CNTNAP2: variants seen among roughly 807,000 people sequenced by gnomAD.
CNTNAP2 encodes contactin-associated protein-like 2.
In CNTNAP2, 98 loss-of-function variants were observed where a neutral mutation model predicts 155.2. The ratio of observed to expected loss-of-function variants is 0.63; its 90% CI spans 0.54 to 0.75. The LOEUF (loss-of-function observed/expected upper bound fraction) is 0.75, where lower values mean the gene tolerates loss of function less well. Among genes scored for constraint, CNTNAP2 ranks in the 30% least tolerant of loss-of-function variants. The pLI is 0.00. For missense variants in CNTNAP2, 1,727 were observed against 1,688.1 expected, an observed-to-expected ratio of 1.02 and a Z score of -0.40; for synonymous variants, 651 against 631.2, an observed-to-expected ratio of 1.03 and a Z score of -0.47.
At chr7:148,308,460 T>C (rs1433749855) in intron 21 of CNTNAP2, among the ~76,000 whole-genome samples, 7 of 152,074 alleles carry the variant, frequency 4.6e-5, no homozygotes, top group African/African-American at 1.4e-4. Context: ...ATTTTTAAAT[T>C]GGCATTTTTT....
intron 15 of CNTNAP2, among the ~76,000 whole-genome samples, chr7:148,049,600 A>G (rs1427323694): frequency 1.3e-5 from 2 of 152,178 alleles, no homozygotes; most frequent in Non-Finnish European, 2.9e-5. Flanking sequence ...GTTCCATAAG[A>G]TTATAGAGGA....
intron 1 of CNTNAP2, among the ~76,000 whole-genome samples, chr7:146,771,348 T>C (rs1388416648): frequency 2.0e-5 from 3 of 152,180 alleles, no homozygotes; most frequent in South Asian, 4.1e-4. Flanking sequence ...ACATTTCTAA[T>C]ATAACGGGAA....
At chr7:148,344,002 G>C (rs1798278357) in intron 21 of CNTNAP2, among the ~76,000 whole-genome samples, 1 of 152,188 alleles carries the variant, frequency 6.6e-6, no homozygotes, top group African/African-American at 2.4e-5. Flanking sequence ...CCATGACTGG[G>C]CTACAGCCAA....
At chr7:147,465,429 C>A (rs924573698) in intron 10 of CNTNAP2, among the ~76,000 whole-genome samples, 3 of 152,128 alleles carry the variant, frequency 2.0e-5, no homozygotes, top group Non-Finnish European at 4.4e-5. Context: ...AAATTGTGTT[C>A]TCATAGGGAG....
intron 21 of CNTNAP2, among the ~76,000 whole-genome samples, chr7:148,289,238 G>A (rs1367834045): frequency 6.6e-6 from 1 of 152,192 alleles, no homozygotes; most frequent in East Asian, 1.9e-4. Context: ...AGGAGAAGGT[G>A]AATCTTTTCT....
intron 1 of CNTNAP2, among the ~76,000 whole-genome samples, chr7:146,536,787 G>A (rs1007748379): frequency 7.2e-5 from 11 of 152,186 alleles, no homozygotes; most frequent in African/African-American, 2.6e-4. Context: ...TAGACGCTGT[G>A]ATTGTGAAAA....
intron 13 of CNTNAP2, among the ~76,000 whole-genome samples, chr7:147,871,502 C>T (rs1372006712): frequency 6.6e-6 from 1 of 152,160 alleles, no homozygotes; most frequent in Non-Finnish European, 1.5e-5. Flanking sequence ...TCTATTGGTT[C>T]TTTTCCCCTC....
intron 1 of CNTNAP2, among the ~76,000 whole-genome samples, chr7:146,699,201 A>G (rs1338860601): frequency 6.6e-6 from 1 of 152,146 alleles, no homozygotes; most frequent in African/African-American, 2.4e-5. Context: ...ATGAGGGAAA[A>G]TAAAACACAT....
chr7:148,015,516 TA>T, intron 15 of CNTNAP2, among the ~76,000 whole-genome samples: 1 of 152,348 alleles, frequency 6.6e-6, no homozygotes, highest in Non-Finnish European at 1.5e-5. Context: ...TTTTTGCTGC[TA>T]CTGTTCTGTG....
intron 1 of CNTNAP2, among the ~76,000 whole-genome samples, chr7:146,235,663 C>A (rs749858303): frequency 6.6e-6 from 1 of 152,026 alleles, no homozygotes; most frequent in Non-Finnish European, 1.5e-5. Flanking sequence ...GTACTTCCAG[C>A]CTGTGGTGTT....
intron 20 of CNTNAP2, among the ~76,000 whole-genome samples, chr7:148,262,878 T>A (rs571710924): frequency 6.6e-6 from 1 of 152,184 alleles, no homozygotes; most frequent in African/African-American, 2.4e-5. Flanking sequence ...CCGATGCTGC[T>A]GTTCTGAATT....
intron 1 of CNTNAP2, among the ~76,000 whole-genome samples, chr7:146,145,103 A>G (rs1183750547): frequency 6.6e-6 from 1 of 152,140 alleles, no homozygotes; most frequent in Non-Finnish European, 1.5e-5. Context: ...AATATACAAA[A>G]TGTGATCCTG....
chr7:146,503,244 T>G (rs1797333545), intron 1 of CNTNAP2, among the ~76,000 whole-genome samples: 1 of 152,226 alleles, frequency 6.6e-6, no homozygotes, highest in African/African-American at 2.4e-5. Context: ...TTGTTATCTG[T>G]GCTTTTGAGG....
intron 1 of CNTNAP2, among the ~76,000 whole-genome samples, chr7:146,288,889 C>T (rs985523040): frequency 6.3e-5 from 9 of 142,976 alleles, no homozygotes; most frequent in Non-Finnish European, 1.4e-4. Context: ...ACTGCAACCT[C>T]TGCCTCCCAG....
In CNTNAP2 at chr7:146,924,034, TG is replaced by T. The variant is rs558199117; in HGVS notation, c.402+84131del. On this transcript the variant is annotated intron_variant, in intron 3 of 23. Transcript: ENST00000361727. The stretch of plus-strand genomic sequence containing the variant: ...ACTGTTGTCTCTCTCTTAAAGTATA[TG>T]TTTTTTTTCTTCTGCCGCGGTTCTT... Among the ~76,000 whole-genome samples the T allele has an allele frequency of 5.4e-4, 82 of 152,212 alleles. 1 individual carries two copies. The highest frequency in any genetic ancestry group is 8.8e-4 in the Non-Finnish European group (60 of 67,992).
intron 1 of CNTNAP2, among the ~76,000 whole-genome samples, chr7:146,413,164 A>C (rs1260359051): frequency 3.3e-5 from 5 of 152,330 alleles, no homozygotes; most frequent in Non-Finnish European, 7.3e-5. Flanking sequence ...ATGAAAAAGC[A>C]CTTGACTAGC....
At chr7:146,654,602 G>T (rs1799965934) in intron 1 of CNTNAP2, among the ~76,000 whole-genome samples, 1 of 152,158 alleles carries the variant, frequency 6.6e-6, no homozygotes, top group Admixed American at 6.5e-5. Flanking sequence ...CATAATTTGT[G>T]GTTGTAGCAG....
intron 3 of CNTNAP2, among the ~76,000 whole-genome samples, chr7:146,929,220 G>A (rs576805148): frequency 8.5e-5 from 13 of 152,254 alleles, no homozygotes; most frequent in East Asian, 3.9e-4. Flanking sequence ...TCACACGGCC[G>A]GGTACTCCTC....
chr7:146,478,254 A>G (rs1467420140), intron 1 of CNTNAP2, among the ~76,000 whole-genome samples: 1 of 152,140 alleles, frequency 6.6e-6, no homozygotes, highest in African/African-American at 2.4e-5. Context: ...TGAATGCAGA[A>G]AGAGGGATGC....
Sources: allele counts gnomAD v4.1 joint callset (sites outside exome capture counted in the v4.1 genomes callset), GRCh38; gene constraint gnomAD v4.1.1; transcripts MANE v1.5; gene names NCBI Gene and HGNC (gene_info 2026-07-23, HGNC 2026-07-21).